Variants in KMT2C observed in about 807,000 individuals in gnomAD.
The protein encoded by KMT2C is histone-lysine N-methyltransferase 2C.
Under a neutral mutation model 507.9 loss-of-function variants are expected in KMT2C, and 88 were observed. The ratio of observed to expected loss-of-function variants is 0.17; its 90% confidence interval spans 0.15 to 0.21. The LOEUF (loss-of-function observed/expected upper bound fraction) is 0.21, where lower values mean the gene tolerates loss of function less well. KMT2C is among the 10% of genes least tolerant of loss of function. The pLI is 1.00. For synonymous variants in KMT2C, 2,049 were observed against 2,080.8 expected, an observed-to-expected ratio of 0.98 and a Z score of 0.42; for missense variants, 4,954 against 5,957.8, an observed-to-expected ratio of 0.83 and a Z score of 5.55.
chr7:152,256,663 A>G (rs2095666937), intron 9 of KMT2C, among the ~76,000 whole-genome samples: 1 of 152,228 alleles, frequency 6.6e-6, no homozygotes, highest in Non-Finnish European at 1.5e-5. Context: ...GAACTCTTAA[A>G]TTTAGGGGAA....
At chr7:152,194,843 C>T (rs1230922862) in intron 28 of KMT2C, among the ~76,000 whole-genome samples, 1 of 139,852 alleles carries the variant, frequency 7.2e-6, no homozygotes, top group Non-Finnish European at 1.5e-5. Context: ...TTGCCAACTC[C>T]TGCCAAAAAA....
At chr7:152,309,438 C>T (rs2096650215) in intron 6 of KMT2C, among the ~76,000 whole-genome samples, 1 of 150,528 alleles carries the variant, frequency 6.6e-6, no homozygotes, top group African/African-American at 2.4e-5. Context: ...ATCTTCCCAC[C>T]TCAGCACCCC....
At chr7:152,166,194 C>A (rs1175582812) in intron 42 of KMT2C, among the ~76,000 whole-genome samples, 1 of 149,738 alleles carries the variant, frequency 6.7e-6, no homozygotes, top group Non-Finnish European at 1.5e-5. Context: ...GCAAGCTCGG[C>A]TCACCACAAC....
chr7:152,387,133 C>T (rs2097436058), intron 1 of KMT2C, among the ~76,000 whole-genome samples: 2 of 151,990 alleles, frequency 1.3e-5, no homozygotes, highest in African/African-American at 2.4e-5. Flanking sequence ...ATACCATGTA[C>T]ATTAAAGAGA....
Position 152,152,870 on chromosome 7 carries a change from C to T in KMT2C, c.12361G>A (p.Val4121Ile), listed in dbSNP as rs780743983. The change falls in exon 49 of 59, where the codon GTC (valine) becomes ATC (isoleucine). Residue 4121 changes from valine to isoleucine, a missense_variant. Val to Ile is a conservative substitution (Grantham distance 29). Transcript: ENST00000262189. The stretch of plus-strand genomic sequence containing the variant: ...CTACTGACCAAACCCATGGATGGGA[C>T]ATCTGGAGCACTGCTAACCTCATAG... ...NSYEVSSAPD[V>I]PSMGLVSSHR... The T allele has an allele frequency of 3.7e-6, 6 of 1,614,176 alleles. No individual in the cohort carries two copies. The highest frequency in any genetic ancestry group is 1.1e-5 in the South Asian group (1 of 91,084).
intron 23 of KMT2C, among the ~76,000 whole-genome samples, chr7:152,216,506 G>C (rs1360181656): frequency 6.6e-6 from 1 of 152,164 alleles, no homozygotes; most frequent in Non-Finnish European, 1.5e-5. Context: ...CACAGCTGAA[G>C]ATCACTTATA....
chr7:152,423,259 G>A (rs2097789255), intron 1 of KMT2C, among the ~76,000 whole-genome samples: 1 of 152,086 alleles, frequency 6.6e-6, no homozygotes, highest in Admixed American at 6.5e-5. Context: ...AGAATCGCTT[G>A]AACTCGGGAG....
At chr7:152,338,919 G>C (rs920207013) in intron 2 of KMT2C, among the ~76,000 whole-genome samples, 5 of 152,172 alleles carry the variant, frequency 3.3e-5, no homozygotes, top group African/African-American at 1.2e-4. Flanking sequence ...AAGCACTGCT[G>C]AATAAAATTA....
intron 6 of KMT2C, among the ~76,000 whole-genome samples, chr7:152,279,347 A>T (rs2096155902): frequency 2.0e-5 from 3 of 152,216 alleles, no homozygotes; most frequent in Non-Finnish European, 4.4e-5. Flanking sequence ...CAAACATGCA[A>T]AACTATAAGA....
chr7:152,248,243 C>G lies in KMT2C; in HGVS notation c.2191G>C (p.Glu731Gln). 1 of 1,613,938 alleles carries G rather than the reference C, an allele frequency of 6.2e-7. No homozygotes were observed. The highest frequency in any genetic ancestry group is 8.5e-7 in the Non-Finnish European group (1 of 1,179,824). ...QGEKEQKENS[E>Q]LSTGLMDSEM... The stretch of plus-strand genomic sequence containing the variant: ...GAGTCCATCAATCCAGTAGAAAGTT[C>G]AGAATTTTCTTTCTGTTCCTTTTCT... The change falls in exon 14 of 59, where the codon GAA becomes CAA. Residue 731 changes from glutamate to glutamine, a missense_variant. By Grantham distance (29) the Glu-to-Gln change is conservative. This residue lies in a region of KMT2C where 376 missense variants were observed against 352.4 expected (regional missense o/e 1.07). Transcript: ENST00000262189.
At chr7:152,315,789 C>A (rs1222945549) in intron 3 of KMT2C, among the ~76,000 whole-genome samples, 2 of 151,990 alleles carry the variant, frequency 1.3e-5, no homozygotes, top group Admixed American at 6.6e-5. Flanking sequence ...TGGTGGCACA[C>A]CCCTGTAATC....
At position 152,435,609 on chromosome 7, in the gene KMT2C, C is replaced by T. The variant is rs2097910727; in HGVS notation, c.161+17G>A. The T allele has an allele frequency of 2.1e-6, 3 of 1,453,450 alleles. No individual in the cohort carries two copies. Among genetic ancestry groups the T allele is most frequent in the Non-Finnish European group, 1.8e-6 (2 of 1,091,916 alleles). 90.0% of individuals were successfully genotyped at this position (1,453,450 alleles called of 1,614,324 possible). A position where few individuals can be genotyped will look rare whatever the true frequency, so the allele number is the denominator to read the frequency against. ...CCGCCGCTGGCTCCCGGCCTGGCTCCCTCGCACTCAACTTACTTCTTTCTG... is the reference window on the plus strand; with the variant it reads ...CCGCCGCTGGCTCCCGGCCTGGCTCTCTCGCACTCAACTTACTTCTTTCTG... On this transcript the variant is annotated intron_variant, in intron 1 of 58. Transcript: ENST00000262189.
chr7:152,344,031 A>G (rs2097026913), intron 2 of KMT2C, among the ~76,000 whole-genome samples: 1 of 152,246 alleles, frequency 6.6e-6, no homozygotes, highest in African/African-American at 2.4e-5. Flanking sequence ...GATCTAATAG[A>G]TAAGTTTGTT....
intron 6 of KMT2C, among the ~76,000 whole-genome samples, chr7:152,290,873 A>G (rs1256371194): frequency 1.3e-5 from 2 of 152,030 alleles, no homozygotes; most frequent in Non-Finnish European, 2.9e-5. Context: ...TTACAAAAAT[A>G]TTATCCTATA....
chr7:152,395,856 C>T (rs1357641123), intron 1 of KMT2C, among the ~76,000 whole-genome samples: 2 of 152,130 alleles, frequency 1.3e-5, no homozygotes, highest in East Asian at 3.8e-4. Flanking sequence ...CCAGTATTTT[C>T]CCCACACTTT....
At chr7:152,348,202 A>G (rs1463357250) in intron 2 of KMT2C, among the ~76,000 whole-genome samples, 1 of 152,196 alleles carries the variant, frequency 6.6e-6, no homozygotes, top group African/African-American at 2.4e-5. Flanking sequence ...AAATTAATAA[A>G]CTTCGAATAT....
intron 1 of KMT2C, among the ~76,000 whole-genome samples, chr7:152,378,246 G>A (rs2097344009): frequency 6.6e-6 from 1 of 152,172 alleles, no homozygotes; most frequent in African/African-American, 2.4e-5. Flanking sequence ...ACAGCATCAC[G>A]TGCTACAGAG....
intron 1 of KMT2C, among the ~76,000 whole-genome samples, chr7:152,371,415 T>A (rs950057745): frequency 2.0e-5 from 3 of 151,636 alleles, no homozygotes; most frequent in Non-Finnish European, 1.5e-5. Context: ...CCAACGCATA[T>A]CACTATCAAA....
rs2093254092 is a variant in KMT2C, at chr7:152,177,454, G to A, written c.7999C>T (p.Pro2667Ser). Residue 2667 changes from proline (P) to serine (S), a missense_variant, in exon 38 of 59, where the codon CCG becomes TCG. Pro to Ser is a moderately conservative substitution (Grantham distance 74). Around this residue, in one of 29 missense-constraint regions of KMT2C, gnomAD observed 1,689 missense variants for 1,654.3 expected, o/e 1.02. Transcript: ENST00000262189. Reference protein sequence around the residue: ...FSEAPLSTSVPSETTSDNLQI... With the variant: ...FSEAPLSTSVSSETTSDNLQI... Reference sequence around the variant, plus strand: ...AAATTATCAGACGTTGTTTCAGACGGTACAGATGTTGACAAAGGAGCTTCT... The same window carrying A: ...AAATTATCAGACGTTGTTTCAGACGATACAGATGTTGACAAAGGAGCTTCT... The A allele has an allele frequency of 6.8e-6, 11 of 1,614,136 alleles. No individual in the cohort carries two copies. Among genetic ancestry groups the A allele is most frequent in the Non-Finnish European group, 9.3e-6 (11 of 1,180,016 alleles).
Sources: allele counts gnomAD v4.1 joint callset (sites outside exome capture counted in the v4.1 genomes callset), GRCh38; gene constraint gnomAD v4.1.1; regional missense constraint gnomAD v4.1.1; transcripts MANE v1.5; gene names NCBI Gene and HGNC (gene_info 2026-07-23, HGNC 2026-07-21).